The following MYO3B variants were observed in gnomAD, a reference collection of about 807,000 sequenced individuals.
MYO3B encodes myosin-IIIb.
MYO3B carries 156 observed loss-of-function variants against 174.6 expected under a neutral mutation model. The observed-to-expected ratio is 0.89, with a 90% CI of 0.78 to 1.02. MYO3B has a LOEUF of 1.02. Ranked by LOEUF, MYO3B falls within the 50% of genes least tolerant of loss-of-function variation. The pLI is 0.00. For synonymous variants in MYO3B, 563 were observed against 569.1 expected, an observed-to-expected ratio of 0.99 and a Z score of 0.15; for missense variants, 1,632 against 1,639.4, an observed-to-expected ratio of 1.00 and a Z score of 0.08.
chr2:170,558,443 G>A (rs1342637801), intron 32 of MYO3B, among the ~76,000 whole-genome samples: 1 of 151,990 alleles, frequency 6.6e-6, no homozygotes, highest in Non-Finnish European at 1.5e-5. Context: ...TCAGGATTAT[G>A]ACTCTCTTCC....
At chr2:170,473,905 A>C (rs1022806960) in intron 25 of MYO3B, among the ~76,000 whole-genome samples, 2 of 152,228 alleles carry the variant, frequency 1.3e-5, no homozygotes, top group African/African-American at 4.8e-5. Context: ...GCCTACGTAC[A>C]TTTTATGAAA....
In MYO3B at chr2:170,652,144, A is replaced by C; in HGVS notation, c.3877A>C (p.Arg1293=). The C allele has an allele frequency of 1.3e-5, 21 of 1,614,098 alleles. No homozygotes were observed. The highest frequency in any genetic ancestry group is 2.2e-5 in the South Asian group (2 of 91,068). ...ATATCAAGGGAGCAAGAGGAAGCCA[A>C]GAAAACTTGGGTAAATATCTGTCTT... ...LEYQGSKRKP[R]KLGQIKVLDG... Residue 1293 remains arginine (R), a synonymous_variant, in exon 34 of 35, where the codon AGA becomes CGA. Coordinates refer to ENST00000408978, the MANE Select transcript of MYO3B (RefSeq NM_138995.5).
At chr2:170,188,542 C>G (rs2092499041) in intron 1 of MYO3B, among the ~76,000 whole-genome samples, 1 of 151,922 alleles carries the variant, frequency 6.6e-6, no homozygotes, top group African/African-American at 2.4e-5. Context: ...GTTATCTCTT[C>G]TTTCTTTCCT....
intron 32 of MYO3B, among the ~76,000 whole-genome samples, chr2:170,572,624 A>G (rs1267017770): frequency 6.6e-6 from 1 of 150,388 alleles, no homozygotes. Context: ...AAAAAAAAAA[A>G]GGTAAGGACC....
intron 32 of MYO3B, among the ~76,000 whole-genome samples, chr2:170,584,416 C>G (rs562510242): frequency 6.6e-6 from 1 of 152,218 alleles, no homozygotes; most frequent in African/African-American, 2.4e-5. Context: ...ATTTAATGAT[C>G]TCTCACATGA....
chr2:170,523,643 AG>A (rs1391586843), intron 30 of MYO3B, among the ~76,000 whole-genome samples: 1 of 152,194 alleles, frequency 6.6e-6, no homozygotes, highest in Admixed American at 6.5e-5. Context: ...GCAAAGACAC[AG>A]GCCCCTTGCA....
At chr2:170,463,475 CT>C (rs758595716) in intron 24 of MYO3B, 30 bp downstream of exon 24, 6 of 1,602,860 alleles carry the variant, frequency 3.7e-6, no homozygotes, top group Non-Finnish European at 5.1e-6. Flanking sequence ...TCTATTCTGC[CT>C]GCTTCCAAAA....
In MYO3B at chr2:170,560,934, T is replaced by C. The variant is rs543653688; in HGVS notation, c.3733+16946T>C. On this transcript the variant is annotated intron_variant, in intron 32 of 34. Transcript: ENST00000408978. ...CATTCTAAATCTCCGAGGGTCAGAT[T>C]ACAAAGTGTTCATTCCTTTTTTGTC... Among the ~76,000 whole-genome samples the C allele has an allele frequency of 2.1e-3, 320 of 152,308 alleles. 1 individual carries two copies. Among genetic ancestry groups the C allele is most frequent in the Non-Finnish European group, 3.7e-3 (251 of 68,030 alleles).
rs753914666 is a variant in MYO3B at position 170,463,351 on chromosome 2, T to G, written c.2731-17T>G. On this transcript the variant is annotated splice_polypyrimidine_tract_variant and intron_variant, in intron 23 of 34. Coordinates refer to ENST00000408978, the MANE Select transcript of MYO3B (RefSeq NM_138995.5). ...TGCCTAGATCCTCAAACCACTTGCC[T>G]CCACCTATGCTTCCAGGTGGACACT... 4 of 1,612,454 alleles carry G rather than the reference T, an allele frequency of 2.5e-6. No individual in the cohort carries two copies. The highest frequency in any genetic ancestry group is 3.4e-6 in the Non-Finnish European group (4 of 1,179,528).
intron 15 of MYO3B, among the ~76,000 whole-genome samples, 191 bp downstream of exon 15, chr2:170,391,809 G>A (rs994301408): frequency 2.0e-5 from 3 of 152,072 alleles, no homozygotes; most frequent in African/African-American, 7.2e-5. Flanking sequence ...AACTGCACAT[G>A]GTTTATTTTT....
chr2:170,517,862 C>T (rs773806811), intron 29 of MYO3B, among the ~76,000 whole-genome samples: 13 of 150,496 alleles, frequency 8.6e-5, no homozygotes, highest in Admixed American at 3.3e-4. Flanking sequence ...ATTTTATCAA[C>T]GGAGAAAAGG....
chr2:170,460,448 AT>A (rs1477010997), intron 23 of MYO3B, among the ~76,000 whole-genome samples: 4 of 126,800 alleles, frequency 3.2e-5, no homozygotes, highest in African/African-American at 1.2e-4. Context: ...AGATTGCGCC[AT>A]TGCACTCCAG....
intron 22 of MYO3B, among the ~76,000 whole-genome samples, chr2:170,422,709 G>A (rs2094626258): frequency 6.6e-6 from 1 of 151,906 alleles, no homozygotes; most frequent in East Asian, 1.9e-4. Flanking sequence ...ACCCGCCTTG[G>A]CCCCCCAAAG....
intron 30 of MYO3B, among the ~76,000 whole-genome samples, chr2:170,531,984 C>A (rs771933617): frequency 6.6e-6 from 1 of 152,182 alleles, no homozygotes; most frequent in East Asian, 1.9e-4. Context: ...TTTGCATAGT[C>A]TCAGAGTAAG....
chr2:170,286,572 A>T (rs2093557855), intron 7 of MYO3B, among the ~76,000 whole-genome samples: 1 of 151,982 alleles, frequency 6.6e-6, no homozygotes, highest in Admixed American at 6.6e-5. Context: ...ATTTTTTTAT[A>T]TAAAATTTAG....
intron 7 of MYO3B, among the ~76,000 whole-genome samples, chr2:170,301,337 G>A (rs962571553): frequency 3.3e-5 from 5 of 151,996 alleles, no homozygotes; most frequent in African/African-American, 9.7e-5. Context: ...TCAAATTTAG[G>A]GATGTTGACA....
At chr2:170,245,302 C>T (rs555457343) in intron 7 of MYO3B, among the ~76,000 whole-genome samples, 56 of 152,190 alleles carry the variant, frequency 3.7e-4, no homozygotes, top group East Asian at 1.9e-4. Context: ...CTGAAAGAGC[C>T]GTGAGTTTAA....
intron 32 of MYO3B, among the ~76,000 whole-genome samples, chr2:170,582,350 T>C (rs1333082603): frequency 1.3e-5 from 2 of 152,170 alleles, no homozygotes; most frequent in African/African-American, 4.8e-5. Flanking sequence ...TCGTGGCAAA[T>C]GTGCGTGGGG....
At chr2:170,590,659 C>A (rs950001608) in intron 32 of MYO3B, among the ~76,000 whole-genome samples, 39 of 149,152 alleles carry the variant, frequency 2.6e-4, no homozygotes, top group African/African-American at 9.0e-4. Context: ...GAAAGATCTT[C>A]CTTTTTGTAT....
Sources: gnomAD v4.1 joint callset for allele counts (sites outside exome capture counted in the v4.1 genomes callset) on GRCh38, gnomAD v4.1.1 for gene constraint, MANE v1.5 for transcripts, NCBI Gene and HGNC (gene_info 2026-07-23, HGNC 2026-07-21) for gene names.